Variants in ABI3BP observed in about 807,000 individuals in gnomAD.
ABI3BP encodes the protein target of Nesh-SH3.
Under a neutral mutation model 268.6 loss-of-function variants are expected in ABI3BP, and 216 were observed. The ratio of observed to expected loss-of-function variants is 0.80; its 90% CI spans 0.72 to 0.90. The LOEUF (loss-of-function observed/expected upper bound fraction) is 0.90. Ranked by LOEUF, ABI3BP falls within the 40% of genes least tolerant of loss-of-function variation. The probability of loss-of-function intolerance (pLI) is 0.00; values close to 1 mark genes in which losing one functional copy is unlikely to be tolerated. For missense variants in ABI3BP, 2,090 were observed against 2,182.4 expected (o/e 0.96, Z 0.84); for synonymous variants, 730 against 730.0 (o/e 1.00, Z 0.00).
At chr3:100,880,672 A>G (rs6777963) in intron 6 of ABI3BP, among the ~76,000 whole-genome samples, 9,173 of 152,166 alleles carry the variant, frequency 0.06, 528 homozygotes, top group East Asian at 0.27. Flanking sequence ...ATGGCTAGGA[A>G]AGCATATGCT....
chr3:100,845,151 A>ATAGT (rs1333948365), intron 20 of ABI3BP, among the ~76,000 whole-genome samples: 2 of 152,232 alleles, frequency 1.3e-5, no homozygotes, highest in Non-Finnish European at 2.9e-5. Flanking sequence ...AAAATACAGC[A>ATAGT]TAGTTACTAC....
chr3:100,833,250 C>T, intron 29 of ABI3BP, 93 bp from the exon 30 acceptor site: 1 of 1,200,802 alleles, frequency 8.3e-7, no homozygotes, highest in Non-Finnish European at 1.2e-6. Context: ...TGAACTTTAC[C>T]ATTATAGCGT....
In ABI3BP at chr3:100,862,453, T is replaced by C. The variant is rs910587795; in HGVS notation, c.1211-68A>G. On this transcript the variant is annotated intron_variant, in intron 13 of 67. Transcript: ENST00000471714. ...TTTTAACAGGAGAACGAGACAGAAA[T>C]AGGTTGCTGGTATGGTTAAGTGGCT... 5 of 1,099,028 alleles carry C rather than the reference T, an allele frequency of 4.5e-6. No individual in the cohort carries two copies. The African/African-American group carries it at 4.8e-5, about 11-fold the overall frequency. 68.1% of individuals were successfully genotyped at this position (1,099,028 alleles called of 1,614,324 possible). A position where few individuals can be genotyped will look rare whatever the true frequency, so the allele number is the denominator to read the frequency against.
intron 1 of ABI3BP, among the ~76,000 whole-genome samples, chr3:100,942,616 T>C (rs1651679448): frequency 6.6e-6 from 1 of 152,088 alleles, no homozygotes; most frequent in South Asian, 2.1e-4. Flanking sequence ...TCTGTTGCCC[T>C]TTAAAGTAAG....
intron 1 of ABI3BP, among the ~76,000 whole-genome samples, chr3:100,984,963 G>GA (rs1259118564): frequency 6.6e-6 from 1 of 151,982 alleles, no homozygotes; most frequent in African/African-American, 2.4e-5. Flanking sequence ...AGAGCATATG[G>GA]AAAAATTGTT....
chr3:100,960,118 A>C (rs1322691324), intron 1 of ABI3BP, among the ~76,000 whole-genome samples: 1 of 152,236 alleles, frequency 6.6e-6, no homozygotes, highest in Non-Finnish European at 1.5e-5. Context: ...GCTCTCATGG[A>C]AAAGGTAGAC....
intron 35 of ABI3BP, 80 bp from the exon 36 acceptor site, chr3:100,825,021 G>A: frequency 8.3e-7 from 1 of 1,198,112 alleles, no homozygotes; most frequent in Admixed American, 2.4e-5. Flanking sequence ...AAGCTTGTCA[G>A]ATCTCCTATA....
intron 49 of ABI3BP, among the ~76,000 whole-genome samples, chr3:100,809,312 GTTCGTGA>G (rs1560307014): frequency 6.6e-6 from 1 of 151,938 alleles, no homozygotes; most frequent in Non-Finnish European, 1.5e-5. Flanking sequence ...ATTTCTCACA[GTTCGTGA>G]TTTTCTGATT....
intron 1 of ABI3BP, among the ~76,000 whole-genome samples, chr3:100,962,262 C>T (rs897566844): frequency 2.6e-5 from 4 of 152,156 alleles, no homozygotes; most frequent in South Asian, 2.1e-4. Context: ...AACCTGTCTA[C>T]GTCAGCACCC....
At chr3:100,839,795 G>T (rs903992778) in intron 23 of ABI3BP, among the ~76,000 whole-genome samples, 179 bp from the exon 24 acceptor site, 6 of 152,078 alleles carry the variant, frequency 3.9e-5, no homozygotes, top group African/African-American at 1.4e-4. Flanking sequence ...CATCTGCCAT[G>T]AATGTACATC....
intron 4 of ABI3BP, among the ~76,000 whole-genome samples, chr3:100,886,832 C>T (rs2042193558): frequency 6.6e-6 from 1 of 151,768 alleles, no homozygotes; most frequent in African/African-American, 2.4e-5. Context: ...TAAGGTTGAG[C>T]TGTTTTTATT....
chr3:100,834,743 C>T lies in ABI3BP; in HGVS notation c.2222G>A (p.Arg741His), dbSNP rs374251834. The change falls in exon 29 of 68, where the codon CGT becomes CAT. Residue 741 changes from arginine (R) to histidine (H), a missense_variant. Arg to His is a conservative substitution (Grantham distance 29). Coordinates refer to ENST00000471714, the MANE Select transcript of ABI3BP (RefSeq NM_001375547.2). ...GGTTTTATGTTTGGGACGTGGACGA[C>T]GTGTTCTTGTTCGTTGCGATGTTTT... is the stretch of plus-strand genomic sequence containing the variant. ...APKTSQRTRT[R>H]RPRPKHKTTP... 1.2e-4 allele frequency: 179 copies of T among 1,535,596 alleles called. No homozygotes were observed. The highest frequency in any genetic ancestry group is 7.1e-4 in the East Asian group (29 of 40,896).
chr3:100,957,340 T>C (rs543569053), intron 1 of ABI3BP, among the ~76,000 whole-genome samples: 1 of 152,206 alleles, frequency 6.6e-6, no homozygotes, highest in East Asian at 1.9e-4. Flanking sequence ...TTTAGTTGAG[T>C]TGGGAAAGAC....
At chr3:100,836,521 G>A (rs1359190141) in intron 27 of ABI3BP, among the ~76,000 whole-genome samples, 1 of 151,928 alleles carries the variant, frequency 6.6e-6, no homozygotes, top group East Asian at 1.9e-4. Context: ...AGAACTAAAG[G>A]CATATATAAT....
At chr3:100,846,909 G>A (rs1350391852) in intron 19 of ABI3BP, among the ~76,000 whole-genome samples, 1 of 152,118 alleles carries the variant, frequency 6.6e-6, no homozygotes, top group African/African-American at 2.4e-5. Context: ...TGCCATGGTG[G>A]TTTGCTGCAC....
At chr3:100,962,909 T>C (rs146484351) in intron 1 of ABI3BP, among the ~76,000 whole-genome samples, 2 of 152,274 alleles carry the variant, frequency 1.3e-5, no homozygotes, top group South Asian at 2.1e-4. Flanking sequence ...TAGACTCTTA[T>C]AGGAAACAGC....
chr3:100,822,502 T>C (rs1427933142), intron 38 of ABI3BP, 87 bp downstream of exon 38: 15 of 1,198,532 alleles, frequency 1.3e-5, no homozygotes, highest in African/African-American at 7.6e-5. Context: ...CAGGGGCCTA[T>C]TGGTTACTCC....
intron 16 of ABI3BP, 27 bp downstream of exon 16, chr3:100,850,633 G>C (rs745915558): frequency 6.5e-7 from 1 of 1,548,192 alleles, no homozygotes; most frequent in Non-Finnish European, 8.9e-7. Context: ...GGAAAATAAA[G>C]TATGATTTTT....
At chr3:100,840,991 A>G (rs536555069) in intron 21 of ABI3BP, 133 bp from the exon 22 acceptor site, 1 of 698,168 alleles carries the variant, frequency 1.4e-6, no homozygotes, top group South Asian at 2.5e-5. Flanking sequence ...TTTTATCCAC[A>G]TGCAAAGTTT....
Sources: allele counts gnomAD v4.1 joint callset (sites outside exome capture counted in the v4.1 genomes callset), GRCh38; gene constraint gnomAD v4.1.1; transcripts MANE v1.5; gene names NCBI Gene and HGNC (gene_info 2026-07-23, HGNC 2026-07-21).